The following DAAM1 variants were observed in gnomAD, a reference collection of about 807,000 sequenced individuals.
DAAM1 encodes disheveled-associated activator of morphogenesis 1.
Under a neutral mutation model 130.0 loss-of-function variants are expected in DAAM1, and 52 were observed. That is an observed-to-expected ratio of 0.40 (90% confidence interval 0.32 to 0.50). The LOEUF (loss-of-function observed/expected upper bound fraction) is 0.50, where lower values mean the gene tolerates loss of function less well. Among genes scored for constraint, DAAM1 ranks in the 20% least tolerant of loss-of-function variants. The pLI, the probability that DAAM1 is intolerant of heterozygous loss-of-function variation, is 0.61. For synonymous variants in DAAM1, 452 were observed against 444.5 expected (o/e 1.02, Z -0.21); for missense variants, 1,134 against 1,303.8 (o/e 0.87, Z 2.01).
At chr14:59,315,471 T>G (rs1035682136) in intron 4 of DAAM1, 120 bp downstream of exon 4, 3 of 916,172 alleles carry the variant, frequency 3.3e-6, no homozygotes, top group Non-Finnish European at 5.0e-6. Context: ...CTTTCCAAAC[T>G]CCATCCTAAA....
chr14:59,208,658 C>T (rs993247497), intron 1 of DAAM1, among the ~76,000 whole-genome samples: 3 of 152,042 alleles, frequency 2.0e-5, no homozygotes, highest in African/African-American at 7.2e-5. Flanking sequence ...AACATATGAC[C>T]CATGAATAGG....
Position 59,215,894 on chromosome 14 carries a change from C to T in DAAM1, c.-38+27126C>T, listed in dbSNP as rs1220569267. ...TTTGCCTGCTGAAATGACACTATAG[C>T]ATGAGAGGTCAGCCTCTTAGGACAG... On this transcript the variant is annotated intron_variant, in intron 1 of 24. Transcript: ENST00000360909. 1.4e-4 allele frequency among the ~76,000 whole-genome samples: 22 copies of T among 152,228 alleles called. 1 individual carries two copies. The highest frequency in any genetic ancestry group is 2.9e-5 in the Non-Finnish European group (2 of 68,052).
At chr14:59,244,957 G>T (rs1438517) in intron 1 of DAAM1, among the ~76,000 whole-genome samples, 54,565 of 151,674 alleles carry the variant, frequency 0.36, 10,306 homozygotes, top group East Asian at 0.49. Context: ...TGAGTAGGAG[G>T]AGAACCAGTG....
At chr14:59,218,920 A>G (rs1468584105) in intron 1 of DAAM1, among the ~76,000 whole-genome samples, 1 of 152,164 alleles carries the variant, frequency 6.6e-6, no homozygotes. Flanking sequence ...ATGTTTTTAT[A>G]TGACTGATAT....
intron 3 of DAAM1, among the ~76,000 whole-genome samples, chr14:59,296,144 T>G (rs531825026): frequency 6.6e-6 from 1 of 152,354 alleles, no homozygotes; most frequent in Non-Finnish European, 1.5e-5. Context: ...GAAATTTGTC[T>G]GCCTTTCCTC....
intron 3 of DAAM1, among the ~76,000 whole-genome samples, chr14:59,300,538 C>G (rs562330895): frequency 5.3e-5 from 8 of 152,254 alleles, no homozygotes; most frequent in African/African-American, 1.9e-4. Flanking sequence ...TAAACTGTTG[C>G]TTTCTGTTTG....
At chr14:59,305,760 C>T (rs1446805015) in intron 3 of DAAM1, among the ~76,000 whole-genome samples, 2 of 152,140 alleles carry the variant, frequency 1.3e-5, no homozygotes, top group Non-Finnish European at 2.9e-5. Flanking sequence ...CACAGGGTGA[C>T]TAGGTCTCTG....
intron 17 of DAAM1, among the ~76,000 whole-genome samples, chr14:59,348,828 A>G (rs1594841469): frequency 1.3e-5 from 2 of 151,700 alleles, no homozygotes; most frequent in Non-Finnish European, 2.9e-5. Context: ...TTGCAGAGTC[A>G]CTCCCTAATG....
chr14:59,289,767 G>GATATATATATATATATATATATATATAT lies in DAAM1; in HGVS notation c.184-1433_184-1432insTATATATATATATATATATATATATATA. ...ACAGTGGACTGGATCAACAAAATGT[G>GATATATATATATATATATATATATATAT]ATATATATATATATATAATGGAATG... On this transcript the variant is annotated intron_variant, in intron 2 of 24. Transcript: ENST00000360909. Among the ~76,000 whole-genome samples the GATATATATATATATATATATATATATAT allele has an allele frequency of 3.0e-3, 327 of 110,084 alleles. 12 individuals are homozygous for GATATATATATATATATATATATATATAT. The highest frequency in any genetic ancestry group is 9.5e-3 in the South Asian group (35 of 3,688). 72.2% of individuals were successfully genotyped at this position (110,084 alleles called of 152,430 possible). A position where few individuals can be genotyped will look rare whatever the true frequency, so the allele number is the denominator to read the frequency against.
intron 4 of DAAM1, among the ~76,000 whole-genome samples, chr14:59,317,022 C>T (rs1338245898): frequency 6.6e-6 from 1 of 152,130 alleles, no homozygotes; most frequent in Admixed American, 6.5e-5. Flanking sequence ...AACATGTGGC[C>T]CTTCTTTAAG....
At chr14:59,306,325 T>C (rs1884380650) in intron 3 of DAAM1, among the ~76,000 whole-genome samples, 1 of 152,176 alleles carries the variant, frequency 6.6e-6, no homozygotes, top group African/African-American at 2.4e-5. Context: ...CCCAGAATAG[T>C]GCTTAGCTCA....
chr14:59,227,000 T>C (rs967637954), intron 1 of DAAM1, among the ~76,000 whole-genome samples: 2 of 152,202 alleles, frequency 1.3e-5, no homozygotes, highest in Non-Finnish European at 2.9e-5. Context: ...GTCAGATTTT[T>C]CCCCCACCTT....
chr14:59,221,109 C>G (rs187934548), intron 1 of DAAM1, among the ~76,000 whole-genome samples: 72 of 152,314 alleles, frequency 4.7e-4, no homozygotes, highest in African/African-American at 1.7e-3. Context: ...ATAATTCCAC[C>G]TATCAAGGTA....
At chr14:59,348,133 G>T (rs1886151919) in intron 17 of DAAM1, among the ~76,000 whole-genome samples, 1 of 152,132 alleles carries the variant, frequency 6.6e-6, no homozygotes, top group Admixed American at 6.5e-5. Flanking sequence ...AATGTCTTGG[G>T]GCTAAGTCTT....
chr14:59,268,497 A>G (rs747175709), intron 2 of DAAM1, among the ~76,000 whole-genome samples: 2 of 152,178 alleles, frequency 1.3e-5, no homozygotes, highest in African/African-American at 2.4e-5. Flanking sequence ...GTCTTTGCCA[A>G]CACTTGTTCT....
At chr14:59,247,045 T>A (rs1881414459) in intron 1 of DAAM1, among the ~76,000 whole-genome samples, 1 of 152,208 alleles carries the variant, frequency 6.6e-6, no homozygotes, top group South Asian at 2.1e-4. Flanking sequence ...AAGTCTTTAA[T>A]CCATTTTAAG....
At chr14:59,249,524 A>G (rs1881540590) in intron 1 of DAAM1, among the ~76,000 whole-genome samples, 1 of 152,238 alleles carries the variant, frequency 6.6e-6, no homozygotes, top group Non-Finnish European at 1.5e-5. Context: ...GGTTGCAACT[A>G]AGTAAACTTG....
At chr14:59,349,881 G>C (rs1229261173) in intron 17 of DAAM1, among the ~76,000 whole-genome samples, 1 of 152,108 alleles carries the variant, frequency 6.6e-6, no homozygotes. Flanking sequence ...GTGTTATTCT[G>C]AACAGGGGAC....
intron 1 of DAAM1, among the ~76,000 whole-genome samples, chr14:59,225,464 A>C (rs1279079790): frequency 6.6e-6 from 1 of 152,246 alleles, no homozygotes; most frequent in Admixed American, 6.5e-5. Context: ...TAGTGAGGCA[A>C]CACTGAAGCA....
Sources: gnomAD v4.1 joint callset for allele counts (sites outside exome capture counted in the v4.1 genomes callset) on GRCh38, gnomAD v4.1.1 for gene constraint, MANE v1.5 for transcripts, NCBI Gene and HGNC (gene_info 2026-07-23, HGNC 2026-07-21) for gene names.